Variants in RUNX1T1 observed in about 807,000 individuals in gnomAD.
The protein encoded by RUNX1T1 is protein CBFA2T1.
Under a neutral mutation model 62.8 loss-of-function variants are expected in RUNX1T1, and 4 were observed. The ratio of observed to expected loss-of-function variants is 0.06; its 90% CI spans 0.03 to 0.15. RUNX1T1 has a LOEUF of 0.15. Among genes scored for constraint, RUNX1T1 ranks in the 10% least tolerant of loss-of-function variants. The probability of loss-of-function intolerance (pLI) is 1.00; values close to 1 mark genes in which losing one functional copy is unlikely to be tolerated. For missense variants in RUNX1T1, 508 were observed against 754.3 expected, an observed-to-expected ratio of 0.67 and a Z score of 3.82; for synonymous variants, 291 against 286.0, an observed-to-expected ratio of 1.02 and a Z score of -0.18.
At chr8:92,089,637 C>T (rs943106205) in intron 1 of RUNX1T1, among the ~76,000 whole-genome samples, 20 of 152,096 alleles carry the variant, frequency 1.3e-4, no homozygotes, top group South Asian at 2.1e-4. Context: ...AACTATGAGG[C>T]GAAAGCATAA....
chr8:91,957,146 ATG>A (rs1467183227), downstream of RUNX1T1: 1 of 213,872 alleles, frequency 4.7e-6, no homozygotes, highest in Non-Finnish European at 9.4e-6. Flanking sequence ...CTTTTTCTTA[ATG>A]TGTTATACCT....
At chr8:91,996,359 G>A (rs1035127172) in intron 5 of RUNX1T1, among the ~76,000 whole-genome samples, 2 of 151,990 alleles carry the variant, frequency 1.3e-5, no homozygotes, top group East Asian at 1.9e-4. Context: ...CCGCCACCAC[G>A]CCTGGCTAAC....
At chr8:92,101,437 G>C (rs1489235127), upstream of RUNX1T1, among the ~76,000 whole-genome samples, 1 of 152,144 alleles carries the variant, frequency 6.6e-6, no homozygotes, top group Admixed American at 6.5e-5. Flanking sequence ...GCACTATTCT[G>C]CAGGACCTCC....
At chr8:92,069,794 C>T (rs1443919941) in intron 2 of RUNX1T1, among the ~76,000 whole-genome samples, 1 of 152,112 alleles carries the variant, frequency 6.6e-6, no homozygotes, top group East Asian at 1.9e-4. Context: ...AATGCAATTC[C>T]CTTACTCTAT....
At chr8:92,082,512 T>C (rs1054238855) in intron 1 of RUNX1T1, among the ~76,000 whole-genome samples, 1 of 152,126 alleles carries the variant, frequency 6.6e-6, no homozygotes, top group African/African-American at 2.4e-5. Context: ...GAAAACATCA[T>C]TCCATCAAGT....
chr8:92,063,011 T>C (rs1412375052), upstream of RUNX1T1: 6 of 1,087,006 alleles, frequency 5.5e-6, no homozygotes, highest in African/African-American at 3.2e-5. Context: ...TGCCAAAAGA[T>C]AGAAATGTAG....
At chr8:92,102,916 T>A (rs903183352), upstream of RUNX1T1, 40 of 1,511,590 alleles carry the variant, frequency 2.6e-5, no homozygotes, top group Non-Finnish European at 3.3e-5. This position sits in a 1 kb window ranked among gnomAD's most constrained non-coding sequence, Gnocchi z 4.5. Flanking sequence ...AAATAAAACT[T>A]CCCGTCGTCT....
At chr8:92,072,288 A>C (rs930718284) in intron 2 of RUNX1T1, among the ~76,000 whole-genome samples, 23 of 152,322 alleles carry the variant, frequency 1.5e-4, no homozygotes, top group African/African-American at 5.5e-4. Flanking sequence ...AGTGGTAATT[A>C]ATGTAAGCAA....
chr8:92,017,265 G>C (rs918949389), exon 2 of RUNX1T1: 1 of 1,613,992 alleles, frequency 6.2e-7, no homozygotes, highest in Non-Finnish European at 8.5e-7. Context: ...GGAGCTCCTT[G>C]AGTAGTTGGG....
intron 2 of RUNX1T1, among the ~76,000 whole-genome samples, chr8:92,068,685 A>G (rs1833232689): frequency 6.6e-6 from 1 of 152,134 alleles, no homozygotes; most frequent in Non-Finnish European, 1.5e-5. Context: ...TCTGTTACAG[A>G]GCTGTGAGAG....
intron 1 of RUNX1T1, among the ~76,000 whole-genome samples, chr8:92,031,543 C>T (rs2131312670): frequency 6.6e-6 from 1 of 152,292 alleles, no homozygotes; most frequent in East Asian, 1.9e-4. Context: ...GTGAACATAG[C>T]TCACTGCAGC....
At chr8:91,971,840 T>C (rs1812903201) in intron 9 of RUNX1T1, among the ~76,000 whole-genome samples, 1 of 152,180 alleles carries the variant, frequency 6.6e-6, no homozygotes, top group South Asian at 2.1e-4. Context: ...ATTCAACTAA[T>C]GTACAACATA....
intron 1 of RUNX1T1, among the ~76,000 whole-genome samples, chr8:92,057,747 G>A (rs929451609): frequency 6.6e-6 from 1 of 152,092 alleles, no homozygotes; most frequent in African/African-American, 2.4e-5. Context: ...CTGTTTCTTG[G>A]TCAGGTGTGA....
At chr8:91,969,103 AGATCATTC>A (rs1350358432) in intron 10 of RUNX1T1, among the ~76,000 whole-genome samples, 2 of 152,228 alleles carry the variant, frequency 1.3e-5, no homozygotes, top group Non-Finnish European at 2.9e-5. Flanking sequence ...TTATTACAGA[AGATCATTC>A]TTACATTAGT....
At chr8:92,090,681 T>G (rs1489865531) in intron 1 of RUNX1T1, among the ~76,000 whole-genome samples, 1 of 152,152 alleles carries the variant, frequency 6.6e-6, no homozygotes, top group Admixed American at 6.5e-5. Flanking sequence ...AAATGGCCAC[T>G]GAAGAGAATA....
intron 3 of RUNX1T1, among the ~76,000 whole-genome samples, chr8:92,013,411 G>T (rs979095881): frequency 6.6e-6 from 1 of 152,178 alleles, no homozygotes; most frequent in Admixed American, 6.5e-5. Flanking sequence ...GGGATATAGT[G>T]ATTTGAAGCA....
chr8:92,057,055 A>G (rs898251222), intron 1 of RUNX1T1, among the ~76,000 whole-genome samples: 1 of 152,202 alleles, frequency 6.6e-6, no homozygotes, highest in African/African-American at 2.4e-5. Context: ...AAGTCTCCTG[A>G]TGCCTATTAA....
At chr8:92,074,613 T>C (rs1834159155) in intron 2 of RUNX1T1, among the ~76,000 whole-genome samples, 1 of 152,222 alleles carries the variant, frequency 6.6e-6, no homozygotes, top group Non-Finnish European at 1.5e-5. Flanking sequence ...ATTAGATTTT[T>C]CCTTTAAGAT....
chr8:92,011,806 A>G (rs186425904), intron 3 of RUNX1T1, among the ~76,000 whole-genome samples: 256 of 152,308 alleles, frequency 1.7e-3, no homozygotes, highest in African/African-American at 5.8e-3. Context: ...ACCTTATATA[A>G]AAAAACAAGC....
Sources: gnomAD v4.1 joint callset for allele counts (sites outside exome capture counted in the v4.1 genomes callset) on GRCh38, gnomAD v4.1.1 for gene constraint, Gnocchi (gnomAD v3.1) non-coding constraint, MANE v1.5 for transcripts, NCBI Gene and HGNC (gene_info 2026-07-23, HGNC 2026-07-21) for gene names.